The following CDH12 variants were observed in gnomAD, a reference collection of about 807,000 sequenced individuals.
CDH12 encodes cadherin-12.
Under a neutral mutation model 74.1 loss-of-function variants are expected in CDH12, and 41 were observed. That is an observed-to-expected ratio of 0.55 (90% CI 0.43 to 0.72). The LOEUF is 0.72. CDH12 is among the 30% of genes least tolerant of loss of function. CDH12 has a pLI of 0.00. For missense variants in CDH12, 945 were observed against 977.2 expected, an observed-to-expected ratio of 0.97 and a Z score of 0.44; for synonymous variants, 399 against 355.0, an observed-to-expected ratio of 1.12 and a Z score of -1.39.
At chr5:21,784,239 C>A (rs114324647) in intron 10 of CDH12, among the ~76,000 whole-genome samples, 1,692 of 152,162 alleles carry the variant, frequency 0.011, 25 homozygotes, top group African/African-American at 0.039. Flanking sequence ...GTATTTAAAT[C>A]TTTAAGTAAC....
intron 1 of CDH12, among the ~76,000 whole-genome samples, chr5:22,626,764 C>T (rs1178866014): frequency 1.3e-5 from 2 of 152,024 alleles, no homozygotes; most frequent in Non-Finnish European, 2.9e-5. Context: ...GCTAAAATGA[C>T]AGACATAGAA....
At chr5:22,550,762 G>T (rs1327976095) in intron 1 of CDH12, among the ~76,000 whole-genome samples, 1 of 152,078 alleles carries the variant, frequency 6.6e-6, no homozygotes, top group African/African-American at 2.4e-5. Flanking sequence ...GAAAATATTT[G>T]TTGTCTTTCC....
chr5:22,187,262 T>C (rs1407583332), intron 4 of CDH12, among the ~76,000 whole-genome samples: 2 of 152,132 alleles, frequency 1.3e-5, no homozygotes, highest in Non-Finnish European at 2.9e-5. Context: ...AAGACACTTA[T>C]CATCTTAAAT....
At chr5:22,066,339 G>C (rs575521369) in intron 5 of CDH12, among the ~76,000 whole-genome samples, 1 of 152,132 alleles carries the variant, frequency 6.6e-6, no homozygotes, top group South Asian at 2.1e-4. Flanking sequence ...TATCCCCAAA[G>C]GGACCTATCA....
intron 1 of CDH12, among the ~76,000 whole-genome samples, chr5:22,696,930 A>G (rs1395589169): frequency 6.6e-6 from 1 of 152,150 alleles, no homozygotes; most frequent in Non-Finnish European, 1.5e-5. Context: ...CTAGCACTGA[A>G]ACCAAGTATG....
At chr5:22,620,099 T>G (rs9293023) in intron 1 of CDH12, among the ~76,000 whole-genome samples, 22,529 of 152,074 alleles carry the variant, frequency 0.15, 2,171 homozygotes, top group Admixed American at 0.33. Context: ...GTTTTGTTCA[T>G]TTTTGCTTTT....
chr5:21,899,358 T>C (rs527573312), intron 6 of CDH12, among the ~76,000 whole-genome samples: 1 of 152,298 alleles, frequency 6.6e-6, no homozygotes, highest in South Asian at 2.1e-4. Context: ...GAGAACCTAG[T>C]ATAAGGCCAT....
At chr5:22,216,574 T>A (rs1340607402) in intron 3 of CDH12, among the ~76,000 whole-genome samples, 1 of 151,858 alleles carries the variant, frequency 6.6e-6, no homozygotes, top group Non-Finnish European at 1.5e-5. Flanking sequence ...CAAATTGATC[T>A]TGCAGCAGCA....
chr5:22,328,915 T>C (rs1375539111), intron 3 of CDH12, among the ~76,000 whole-genome samples: 2 of 152,076 alleles, frequency 1.3e-5, no homozygotes, highest in Non-Finnish European at 2.9e-5. Context: ...AGCCACAAAG[T>C]ATTGGAAAGG....
intron 1 of CDH12, among the ~76,000 whole-genome samples, chr5:22,707,230 T>C (rs1049864024): frequency 2.0e-5 from 3 of 152,220 alleles, no homozygotes; most frequent in African/African-American, 7.2e-5. Flanking sequence ...ATGTTGAACA[T>C]ACAGACTAAT....
chr5:22,051,037 G>T (rs1383778687), intron 5 of CDH12, among the ~76,000 whole-genome samples: 4 of 152,116 alleles, frequency 2.6e-5, no homozygotes, highest in Non-Finnish European at 5.9e-5. Flanking sequence ...TAAGGAATCT[G>T]AAAGTCTGCT....
chr5:22,823,426 T>C (rs1749830528), intron 1 of CDH12, among the ~76,000 whole-genome samples: 2 of 152,080 alleles, frequency 1.3e-5, no homozygotes, highest in South Asian at 4.1e-4. Flanking sequence ...ACAATCTCTC[T>C]CTTTGCCTGC....
At chr5:22,408,168 CA>C (rs1191898943) in intron 2 of CDH12, among the ~76,000 whole-genome samples, 1 of 148,926 alleles carries the variant, frequency 6.7e-6, no homozygotes, top group African/African-American at 2.6e-5. Context: ...AAACCTATAG[CA>C]AAATGATGTG....
chr5:22,559,807 C>T (rs1022256235), intron 1 of CDH12, among the ~76,000 whole-genome samples: 2 of 152,038 alleles, frequency 1.3e-5, no homozygotes, highest in Non-Finnish European at 2.9e-5. Context: ...GTGTTATTTG[C>T]CTTAAATTAT....
intron 11 of CDH12, among the ~76,000 whole-genome samples, chr5:21,781,434 G>A (rs528019934): frequency 1.3e-5 from 2 of 152,110 alleles, no homozygotes; most frequent in South Asian, 2.1e-4. Flanking sequence ...TAAAAACAGC[G>A]GCAACCAGAC....
intron 4 of CDH12, among the ~76,000 whole-genome samples, chr5:22,097,235 G>A (rs1335841415): frequency 6.6e-6 from 1 of 152,122 alleles, no homozygotes; most frequent in Non-Finnish European, 1.5e-5. Flanking sequence ...TCACCTGGCA[G>A]CCACTCCCAG....
intron 3 of CDH12, among the ~76,000 whole-genome samples, chr5:22,237,970 T>C (rs1435318307): frequency 6.6e-6 from 1 of 152,224 alleles, no homozygotes; most frequent in Non-Finnish European, 1.5e-5. Context: ...ATGGCTAATA[T>C]AATTTCTAAG....
chr5:21,994,838 CGGACCAATCAGCACTCTGTAAAAT>C (rs1736175522), intron 5 of CDH12, among the ~76,000 whole-genome samples: 1 of 152,062 alleles, frequency 6.6e-6, no homozygotes, highest in South Asian at 2.1e-4. Context: ...TCTGTAAAAA[CGGACCAATCAGCACTCTGTAAAAT>C]GGACCAATCA....
chr5:22,649,162 A>C (rs947319550), intron 1 of CDH12, among the ~76,000 whole-genome samples: 3 of 152,004 alleles, frequency 2.0e-5, no homozygotes, highest in African/African-American at 7.2e-5. Flanking sequence ...CTCTGTAATA[A>C]AAATATTATC....
Sources: gnomAD v4.1 joint callset for allele counts (sites outside exome capture counted in the v4.1 genomes callset) on GRCh38, gnomAD v4.1.1 for gene constraint, MANE v1.5 for transcripts, NCBI Gene and HGNC (gene_info 2026-07-23, HGNC 2026-07-21) for gene names.